Variants in PDE4D observed in about 807,000 individuals in gnomAD.
PDE4D encodes the protein 3',5'-cyclic-AMP phosphodiesterase 4D.
A neutral mutation model predicts 87.4 loss-of-function variants in PDE4D; 24 were observed. The ratio of observed to expected loss-of-function variants is 0.27; its 90% CI spans 0.20 to 0.39. The LOEUF is 0.39. PDE4D is among the 10% of genes least tolerant of loss of function. The pLI, the probability that PDE4D is intolerant of heterozygous loss-of-function variation, is 1.00. For missense variants in PDE4D, 714 were observed against 1,041.0 expected (o/e 0.69, Z 4.32); for synonymous variants, 384 against 383.2 (o/e 1.00, Z -0.02).
intron 1 of PDE4D, among the ~76,000 whole-genome samples, chr5:59,770,732 AT>A (rs988635836): frequency 3.9e-5 from 6 of 152,178 alleles, no homozygotes; most frequent in African/African-American, 9.7e-5. Context: ...GCAAAAAAAA[AT>A]ATTTTAGAAA....
intron 3 of PDE4D, among the ~76,000 whole-genome samples, chr5:59,916,879 C>G (rs542704521): frequency 3.7e-4 from 56 of 151,806 alleles, no homozygotes; most frequent in Admixed American, 6.6e-4. Flanking sequence ...CCTCCACCTC[C>G]TGGGTTCAAG....
At chr5:59,680,176 T>C (rs6867150) in intron 1 of PDE4D, among the ~76,000 whole-genome samples, 10,932 of 152,194 alleles carry the variant, frequency 0.072, 1,213 homozygotes, top group African/African-American at 0.24. Context: ...AAAGATGTGA[T>C]CATGTACAAA....
At chr5:59,724,326 TAGAG>T (rs1012601971) in intron 1 of PDE4D, among the ~76,000 whole-genome samples, 6 of 152,108 alleles carry the variant, frequency 3.9e-5, no homozygotes, top group Non-Finnish European at 8.8e-5. Flanking sequence ...ATTACTCTGA[TAGAG>T]AAAGATAATT....
intron 1 of PDE4D, among the ~76,000 whole-genome samples, chr5:59,480,067 A>G (rs1803984722): frequency 6.6e-6 from 1 of 151,942 alleles, no homozygotes; most frequent in African/African-American, 2.4e-5. Context: ...TACAGGAGAC[A>G]TTTTTTGGAG....
intron 1 of PDE4D, among the ~76,000 whole-genome samples, chr5:59,519,958 T>C (rs1811899609): frequency 6.6e-6 from 1 of 152,050 alleles, no homozygotes; most frequent in Non-Finnish European, 1.5e-5. Flanking sequence ...GTATTTATGG[T>C]TTATAAATGA....
intron 1 of PDE4D, among the ~76,000 whole-genome samples, chr5:60,434,734 AC>A (rs1255729445): frequency 6.6e-6 from 1 of 151,986 alleles, no homozygotes; most frequent in African/African-American, 2.4e-5. Context: ...TCTCACTCAA[AC>A]CTCCAGATTT....
chr5:59,746,027 T>C (rs1403206573), intron 1 of PDE4D, among the ~76,000 whole-genome samples: 1 of 152,206 alleles, frequency 6.6e-6, no homozygotes, highest in Admixed American at 6.5e-5. Flanking sequence ...AACCTATTTA[T>C]TTAAGAAAAG....
intron 1 of PDE4D, among the ~76,000 whole-genome samples, chr5:60,281,883 C>A (rs1383176470): frequency 1.3e-5 from 2 of 151,796 alleles, no homozygotes; most frequent in Non-Finnish European, 2.9e-5. Context: ...CAAAAACGTA[C>A]AAAATTAGCC....
chr5:59,979,008 A>C (rs1761635142), intron 3 of PDE4D, among the ~76,000 whole-genome samples: 1 of 152,282 alleles, frequency 6.6e-6, no homozygotes, highest in East Asian at 1.9e-4. Context: ...TAGTGTAAAC[A>C]TAAGTTTTAT....
chr5:60,502,809 T>A (rs868179121), intron 1 of PDE4D, among the ~76,000 whole-genome samples: 32 of 152,324 alleles, frequency 2.1e-4, no homozygotes, highest in Middle Eastern at 3.4e-3. Flanking sequence ...CTCTAGCACA[T>A]GACAGGCAGA....
chr5:59,181,680 A>G (rs1450396260), intron 4 of PDE4D, among the ~76,000 whole-genome samples: 1 of 151,590 alleles, frequency 6.6e-6, no homozygotes, highest in East Asian at 1.9e-4. Flanking sequence ...GAATTATCTC[A>G]TTGAATCCTT....
chr5:59,597,160 C>A (rs993255758), intron 1 of PDE4D, among the ~76,000 whole-genome samples: 13 of 152,082 alleles, frequency 8.5e-5, no homozygotes, highest in African/African-American at 3.1e-4. Flanking sequence ...TTGCAATCAA[C>A]ATTGTGATGA....
chr5:59,281,434 T>C (rs576030919), intron 1 of PDE4D, among the ~76,000 whole-genome samples: 69 of 152,322 alleles, frequency 4.5e-4, no homozygotes, highest in African/African-American at 1.6e-3. Context: ...CTATAAGTTC[T>C]ACTTTAAAAC....
chr5:60,268,966 A>T (rs547549106), intron 1 of PDE4D, among the ~76,000 whole-genome samples: 1 of 152,338 alleles, frequency 6.6e-6, no homozygotes, highest in East Asian at 1.9e-4. Flanking sequence ...ATCTGCTGTT[A>T]TTGAGCCACT....
intron 2 of PDE4D, among the ~76,000 whole-genome samples, chr5:60,100,175 T>C (rs935465416): frequency 6.6e-6 from 1 of 151,860 alleles, no homozygotes; most frequent in Non-Finnish European, 1.5e-5. Context: ...AGGAAGGAAA[T>C]TGATAAAAAT....
intron 1 of PDE4D, chr5:59,768,241 C>T: frequency 6.3e-7 from 1 of 1,598,158 alleles, no homozygotes; most frequent in Non-Finnish European, 8.5e-7. Flanking sequence ...TCTGCGCAAA[C>T]CTTACCATGT....
intron 3 of PDE4D, among the ~76,000 whole-genome samples, chr5:59,930,381 A>G (rs1755783675): frequency 1.3e-5 from 2 of 152,100 alleles, no homozygotes; most frequent in East Asian, 1.9e-4. Flanking sequence ...GAAAAAGACC[A>G]TGTACTGATG....
At chr5:60,259,460 C>G (rs1231797538) in intron 1 of PDE4D, among the ~76,000 whole-genome samples, 1 of 151,970 alleles carries the variant, frequency 6.6e-6, no homozygotes, top group Non-Finnish European at 1.5e-5. Context: ...AAGAAAGAAG[C>G]CAGTAAGAAC....
At chr5:59,000,950 A>G (rs1750410256) in intron 6 of PDE4D, among the ~76,000 whole-genome samples, 1 of 152,154 alleles carries the variant, frequency 6.6e-6, no homozygotes, top group Non-Finnish European at 1.5e-5. Flanking sequence ...CAGCCTCCCA[A>G]AGTGCTGGGA....
Sources: allele counts gnomAD v4.1 joint callset (sites outside exome capture counted in the v4.1 genomes callset), GRCh38; gene constraint gnomAD v4.1.1; transcripts MANE v1.5; gene names NCBI Gene and HGNC (gene_info 2026-07-23, HGNC 2026-07-21).